IL18R1: variants seen among roughly 807,000 people sequenced by gnomAD.
The protein encoded by IL18R1 is interleukin 18 receptor 1.
A neutral mutation model predicts 48.5 loss-of-function variants in IL18R1; 40 were observed. The observed-to-expected ratio is 0.82, with a 90% confidence interval of 0.64 to 1.07. The LOEUF is 1.07. Among genes scored for constraint, IL18R1 ranks in the 50% least tolerant of loss-of-function variants. IL18R1 has a pLI of 0.00. For missense variants in IL18R1, 596 were observed against 633.7 expected (o/e 0.94, Z 0.64); for synonymous variants, 232 against 225.9 (o/e 1.03, Z -0.24).
In IL18R1 at chr2:102,375,946, A is replaced by G. The variant is rs1417373131; in HGVS notation, c.508A>G (p.Thr170Ala). The change falls in exon 5 of 11, where the codon ACG becomes GCG. Residue 170 changes from threonine to alanine, a missense_variant. Transcript: ENST00000233957. ...ACTACTGGAGAACAATAAAAACCCA[A>G]CGATAAAGAAGAACGCCGAGTTTGA... ...KLLLENNKNPTIKKNAEFEDQ... is the reference protein window; with the variant it reads ...KLLLENNKNPAIKKNAEFEDQ... 1 of 1,602,204 alleles carries G rather than the reference A, an allele frequency of 6.2e-7. No individual in the cohort carries two copies. The highest frequency in any genetic ancestry group is 8.5e-7 in the Non-Finnish European group (1 of 1,176,124).
Position 102,367,963 on chromosome 2 carries a change from T to A in IL18R1, c.197T>A (p.Val66Glu). ...AAAAGCAGTGGATCACAGGAACATG[T>A]GGAGCTGAACCCAAGGAGTTCCTCG... Reference protein sequence around the residue: ...WYKSSGSQEHVELNPRSSSRI... With the variant: ...WYKSSGSQEHEELNPRSSSRI... The change falls in exon 3 of 11, where the codon GTG becomes GAG. Residue 66 changes from valine to glutamate, a missense_variant. Val to Glu is a moderately radical substitution (Grantham distance 121, BLOSUM62 -2). Around this residue, in one of 3 missense-constraint regions of IL18R1, gnomAD observed 360 missense variants for 339.4 expected, o/e 1.06. Transcript: ENST00000233957. 1 of 1,614,250 alleles carries A rather than the reference T, an allele frequency of 6.2e-7. No individual in the cohort carries two copies. The highest frequency in any genetic ancestry group is 8.5e-7 in the Non-Finnish European group (1 of 1,180,042).
chr2:102,359,522 T>A (rs769462461), intron 1 of IL18R1, among the ~76,000 whole-genome samples: 38 of 152,222 alleles, frequency 2.5e-4, no homozygotes, highest in Non-Finnish European at 4.3e-4. Context: ...AGATGGTTCA[T>A]AAACATGAAA....
At chr2:102,381,326 A>G (rs1337021696) in intron 5 of IL18R1, among the ~76,000 whole-genome samples, 1 of 152,204 alleles carries the variant, frequency 6.6e-6, no homozygotes, top group African/African-American at 2.4e-5. Context: ...GTGATTTTGC[A>G]TGGTTTGACT....
intron 4 of IL18R1, among the ~76,000 whole-genome samples, chr2:102,373,703 T>C (rs1679402164): frequency 6.6e-6 from 1 of 152,034 alleles, no homozygotes; most frequent in Non-Finnish European, 1.5e-5. Context: ...ATAAAAAACA[T>C]ACGCACTCCC....
At chr2:102,365,577 G>C (rs1349225821) in intron 2 of IL18R1, among the ~76,000 whole-genome samples, 1 of 152,136 alleles carries the variant, frequency 6.6e-6, no homozygotes, top group Non-Finnish European at 1.5e-5. Flanking sequence ...CTGGAGGATG[G>C]TGGCTTTCTT....
chr2:102,377,920 A>G (rs1320406340), intron 5 of IL18R1, among the ~76,000 whole-genome samples: 1 of 152,248 alleles, frequency 6.6e-6, no homozygotes, highest in African/African-American at 2.4e-5. Context: ...TTCAGGGTCT[A>G]TTATTCTGCC....
chr2:102,359,655 G>A (rs1316801506), intron 1 of IL18R1, among the ~76,000 whole-genome samples: 1 of 152,138 alleles, frequency 6.6e-6, no homozygotes, highest in Non-Finnish European at 1.5e-5. Context: ...TAAAAGTAAA[G>A]CTGCTCAGTG....
rs1680842389 is a variant in IL18R1, at chr2:102,396,689, A to G, written c.1429A>G (p.Thr477Ala). 1 of 1,613,868 alleles carries G rather than the reference A, an allele frequency of 6.2e-7. No homozygotes were observed. Among genetic ancestry groups the G allele is most frequent in the African/African-American group, 1.3e-5 (1 of 74,938 alleles). ...AATTAAAATAATCTTAATTGAATTT[A>G]CACCTGTTACTGACTTCACATTCTT... Reference protein sequence around the residue: ...RKIKIILIEFTPVTDFTFLPQ... With the variant: ...RKIKIILIEFAPVTDFTFLPQ... The change falls in exon 11 of 11, where the codon ACA becomes GCA. Residue 477 changes from threonine to alanine, a missense_variant. Transcript: ENST00000233957.
intron 9 of IL18R1, 41 bp downstream of exon 9, chr2:102,390,258 A>T: frequency 6.4e-7 from 1 of 1,559,878 alleles, no homozygotes; most frequent in African/African-American, 1.4e-5. Context: ...TTATGTTCTC[A>T]TTAAGAAATC....
intron 9 of IL18R1, among the ~76,000 whole-genome samples, chr2:102,390,860 G>C (rs1680523596): frequency 6.7e-6 from 1 of 148,986 alleles, no homozygotes; most frequent in African/African-American, 2.5e-5. Flanking sequence ...GTGTGAACTC[G>C]GGAGGCGGAG....
intron 2 of IL18R1, 184 bp downstream of exon 2, chr2:102,362,902 TG>T (rs1678666031): frequency 2.5e-6 from 1 of 393,234 alleles, no homozygotes; most frequent in Non-Finnish European, 4.5e-6. Flanking sequence ...AAATTACATT[TG>T]TCTGAGGTGA....
intron 1 of IL18R1, among the ~76,000 whole-genome samples, chr2:102,358,669 C>T (rs773404797): frequency 6.6e-6 from 1 of 152,202 alleles, no homozygotes; most frequent in Non-Finnish European, 1.5e-5. Context: ...TCTGAGGACT[C>T]AAGATGCCCA....
intron 9 of IL18R1, 86 bp from the exon 10 acceptor site, chr2:102,394,382 AC>A: frequency 9.1e-7 from 1 of 1,099,784 alleles, no homozygotes; most frequent in Non-Finnish European, 1.3e-6. Flanking sequence ...ATGATTCTAT[AC>A]TCATTACTTA....
chr2:102,357,475 A>C (rs964132948), intron 1 of IL18R1, among the ~76,000 whole-genome samples: 4 of 147,588 alleles, frequency 2.7e-5, no homozygotes, highest in Non-Finnish European at 5.9e-5. Flanking sequence ...TGGGCGACAG[A>C]GTGAGACTCT....
intron 4 of IL18R1, among the ~76,000 whole-genome samples, chr2:102,372,875 A>G (rs1407067280): frequency 6.6e-6 from 1 of 152,202 alleles, no homozygotes; most frequent in Non-Finnish European, 1.5e-5. Context: ...GGGTGTTTAT[A>G]TGATTTGTCC....
chr2:102,387,135 A>C (rs1028837276), intron 8 of IL18R1, 135 bp downstream of exon 8: 49 of 915,790 alleles, frequency 5.4e-5, no homozygotes, highest in Non-Finnish European at 7.4e-5. Flanking sequence ...CTCATGTCAC[A>C]GGCATTCAGT....
At chr2:102,368,871 T>A (rs1410888145) in intron 3 of IL18R1, among the ~76,000 whole-genome samples, 3 of 151,226 alleles carry the variant, frequency 2.0e-5, no homozygotes, top group African/African-American at 2.4e-5. Flanking sequence ...AGATTTCTTT[T>A]AGAAGCACTT....
At chr2:102,365,787 G>A (rs1439011576) in intron 2 of IL18R1, among the ~76,000 whole-genome samples, 1 of 152,148 alleles carries the variant, frequency 6.6e-6, no homozygotes, top group Non-Finnish European at 1.5e-5. Flanking sequence ...TGACTTTTGT[G>A]CACCTGCAGC....
intron 6 of IL18R1, among the ~76,000 whole-genome samples, chr2:102,384,189 G>T (rs556861539): frequency 7.9e-5 from 12 of 152,294 alleles, no homozygotes; most frequent in African/African-American, 2.9e-4. Context: ...GAGGGAGGGG[G>T]TGCTGCAGTC....
Sources: gnomAD v4.1 joint callset for allele counts (sites outside exome capture counted in the v4.1 genomes callset) on GRCh38, gnomAD v4.1.1 for gene constraint, gnomAD v4.1.1 regional missense constraint, MANE v1.5 for transcripts, NCBI Gene and HGNC (gene_info 2026-07-23, HGNC 2026-07-21) for gene names.